IQSEC1: variants seen among roughly 807,000 people sequenced by gnomAD.
IQSEC1 encodes the protein IQ motif and Sec7 domain ArfGEF 1.
In IQSEC1, 31 loss-of-function variants were observed where a neutral mutation model predicts 91.0. That is an observed-to-expected ratio of 0.34 (90% confidence interval 0.26 to 0.46). The LOEUF (loss-of-function observed/expected upper bound fraction) is 0.46. Among genes scored for constraint, IQSEC1 ranks in the 20% least tolerant of loss-of-function variants. The pLI is 1.00. For missense variants in IQSEC1, 1,388 were observed against 1,575.6 expected (o/e 0.88, Z 2.02); for synonymous variants, 699 against 662.6 (o/e 1.05, Z -0.84).
intron 2 of IQSEC1, among the ~76,000 whole-genome samples, chr3:13,131,037 A>AAAGGAAGG (rs59204175): frequency 0.13 from 18,953 of 143,792 alleles, 1,653 homozygotes; most frequent in East Asian, 0.28. Context: ...GGAAGGAAGG[A>AAAGGAAGG]AAGGAAGGAA....
At chr3:13,253,022 G>A (rs986957244) in intron 1 of IQSEC1, among the ~76,000 whole-genome samples, 1 of 152,174 alleles carries the variant, frequency 6.6e-6, no homozygotes, top group African/African-American at 2.4e-5. Flanking sequence ...GTAAGCCACC[G>A]CACCCGGTCC....
chr3:13,197,489 G>C (rs1307048941), intron 1 of IQSEC1, among the ~76,000 whole-genome samples: 2 of 152,172 alleles, frequency 1.3e-5, no homozygotes, highest in African/African-American at 4.8e-5. Context: ...TGCAGGGCAG[G>C]CCACTCTCCA....
chr3:13,105,091 C>T (rs1379341915), intron 2 of IQSEC1, among the ~76,000 whole-genome samples: 1 of 152,190 alleles, frequency 6.6e-6, no homozygotes, highest in Non-Finnish European at 1.5e-5. Flanking sequence ...GTGACTTCTG[C>T]CCTGTGCAGT....
intron 1 of IQSEC1, chr3:12,986,971 C>G (rs924986545): frequency 4.6e-6 from 2 of 430,840 alleles, no homozygotes; most frequent in Non-Finnish European, 9.3e-6. Context: ...CTTCCCTTAC[C>G]TTGGTCCAGT....
Position 12,901,431 on chromosome 3 carries a change from G to T in IQSEC1, c.2897C>A (p.Ser966Tyr). ...CCCGAATAAGGAGCCCAGGAGGGAAGATGAGTTGGGCATAGTCTGGTGTGG... is the reference window on the plus strand; with the variant it reads ...CCCGAATAAGGAGCCCAGGAGGGAATATGAGTTGGGCATAGTCTGGTGTGG... The part of the protein sequence containing the change: ...SRPHQTMPNS[S>Y]SLLGSLFGSK... Residue 966 changes from serine (S) to tyrosine (Y), a missense_variant, in exon 14 of 14, where the codon TCT (serine) becomes TAT (tyrosine). Ser to Tyr is a moderately radical substitution (Grantham distance 144). Coordinates refer to ENST00000613206, the MANE Select transcript of IQSEC1 (RefSeq NM_001134382.3). 1 of 1,547,858 alleles carries T rather than the reference G, an allele frequency of 6.5e-7. No homozygotes were observed.
intron 1 of IQSEC1, among the ~76,000 whole-genome samples, chr3:13,189,356 A>G (rs1485015343): frequency 6.6e-6 from 1 of 152,036 alleles, no homozygotes; most frequent in Non-Finnish European, 1.5e-5. Context: ...ATCCCCATTC[A>G]TCCCCAGCTG....
chr3:13,220,978 A>G (rs944706302), intron 1 of IQSEC1, among the ~76,000 whole-genome samples: 1 of 152,238 alleles, frequency 6.6e-6, no homozygotes, highest in African/African-American at 2.4e-5. Flanking sequence ...GGCCTCATCC[A>G]TGGTTGGGGA....
intron 2 of IQSEC1, among the ~76,000 whole-genome samples, chr3:13,117,407 A>G (rs1399395822): frequency 1.3e-5 from 2 of 151,290 alleles, no homozygotes; most frequent in African/African-American, 2.4e-5. Flanking sequence ...CAACATGGTG[A>G]AACCCCGTCT....
chr3:13,100,854 G>A (rs761381466), intron 2 of IQSEC1, among the ~76,000 whole-genome samples: 1 of 148,906 alleles, frequency 6.7e-6, no homozygotes, highest in Non-Finnish European at 1.5e-5. Context: ...ATAAACAAGT[G>A]CATACAAAGG....
At chr3:13,225,921 C>T (rs1350330643) in intron 1 of IQSEC1, among the ~76,000 whole-genome samples, 1 of 151,818 alleles carries the variant, frequency 6.6e-6, no homozygotes, top group Non-Finnish European at 1.5e-5. Flanking sequence ...ACTCTGTCTC[C>T]CAGGCTGGAG....
At chr3:13,251,021 C>T (rs1357369010) in intron 1 of IQSEC1, among the ~76,000 whole-genome samples, 1 of 152,230 alleles carries the variant, frequency 6.6e-6, no homozygotes, top group Admixed American at 6.5e-5. Context: ...TGAACTGCTG[C>T]TCCTTGACTT....
At chr3:13,272,081 A>C (rs1695598715) in intron 1 of IQSEC1, among the ~76,000 whole-genome samples, 1 of 152,192 alleles carries the variant, frequency 6.6e-6, no homozygotes, top group Non-Finnish European at 1.5e-5. Flanking sequence ...AAATCACACA[A>C]AGTATGATCT....
chr3:13,041,675 A>G (rs1704275589), intron 1 of IQSEC1, among the ~76,000 whole-genome samples: 1 of 152,178 alleles, frequency 6.6e-6, no homozygotes, highest in South Asian at 2.1e-4. Flanking sequence ...TGCCGGAGGT[A>G]TGAACATTCG....
At chr3:13,045,494 G>T (rs565893293) in intron 1 of IQSEC1, among the ~76,000 whole-genome samples, 1 of 152,156 alleles carries the variant, frequency 6.6e-6, no homozygotes. Context: ...TCCCTGCTCT[G>T]TCCTCCAGGG....
chr3:13,098,305 G>C (rs551022565), intron 2 of IQSEC1, among the ~76,000 whole-genome samples: 1 of 152,348 alleles, frequency 6.6e-6, no homozygotes, highest in South Asian at 2.1e-4. Flanking sequence ...AGTCTAGCAA[G>C]AATCAGGAAT....
intron 1 of IQSEC1, among the ~76,000 whole-genome samples, chr3:13,192,974 T>G (rs1694063093): frequency 2.6e-5 from 4 of 152,184 alleles, no homozygotes; most frequent in African/African-American, 9.6e-5. Flanking sequence ...ATCCAGGACC[T>G]CTGTTCCCAG....
chr3:12,916,092 G>C (rs1696063831), intron 6 of IQSEC1, among the ~76,000 whole-genome samples: 1 of 152,184 alleles, frequency 6.6e-6, no homozygotes, highest in Non-Finnish European at 1.5e-5. Flanking sequence ...CTGACGTGTG[G>C]GGAGGCTGGA....
chr3:13,138,901 C>A (rs563488832), intron 2 of IQSEC1, among the ~76,000 whole-genome samples: 25 of 152,092 alleles, frequency 1.6e-4, no homozygotes, highest in African/African-American at 5.8e-4. Flanking sequence ...GAAGCAACTG[C>A]CCCCTCCAGA....
intron 2 of IQSEC1, among the ~76,000 whole-genome samples, chr3:12,939,996 T>C (rs914813133): frequency 3.3e-5 from 5 of 152,210 alleles, no homozygotes; most frequent in Admixed American, 6.5e-5. Flanking sequence ...ATAATATGCA[T>C]GGAATGAAAA....
Sources: gnomAD v4.1 joint callset for allele counts (sites outside exome capture counted in the v4.1 genomes callset) on GRCh38, gnomAD v4.1.1 for gene constraint, MANE v1.5 for transcripts, NCBI Gene and HGNC (gene_info 2026-07-23, HGNC 2026-07-21) for gene names.